Variants in DLGAP2 observed in about 807,000 individuals in gnomAD.
DLGAP2 encodes the protein DLG associated protein 2, also known as disks large-associated protein 2.
DLGAP2 carries 26 observed loss-of-function variants against 100.3 expected under a neutral mutation model. That is an observed-to-expected ratio of 0.26 (90% CI 0.19 to 0.36). DLGAP2 has a LOEUF of 0.36. Among genes scored for constraint, DLGAP2 ranks in the 10% least tolerant of loss-of-function variants. The pLI, the probability that DLGAP2 is intolerant of heterozygous loss-of-function variation, is 1.00. For missense variants in DLGAP2, 1,858 were observed against 1,453.2 expected (o/e 1.28, Z -4.53); for synonymous variants, 886 against 630.1 (o/e 1.41, Z -6.08).
Position 1,113,115 on chromosome 8 carries a change from T to C in DLGAP2, c.74-145736T>C, listed in dbSNP as rs146953182. ...TGTTTGTTACTGTAGCCCTGTAGTA[T>C]CATTCAAAGTTGGATAATATGATGC... is the stretch of plus-strand genomic sequence containing the variant. On this transcript the variant is annotated intron_variant, in intron 2 of 14. Transcript: ENST00000637795. Among the ~76,000 whole-genome samples the C allele has an allele frequency of 7.3e-3, 1,110 of 152,310 alleles. 12 individuals carry two copies. The highest frequency in any genetic ancestry group is 0.025 in the African/African-American group (1,038 of 41,566).
At chr8:1,290,411 C>T (rs1370321567) in intron 3 of DLGAP2, among the ~76,000 whole-genome samples, 2 of 152,230 alleles carry the variant, frequency 1.3e-5, no homozygotes, top group African/African-American at 4.8e-5. Context: ...CTGACCAGCA[C>T]ACCTGCACTC....
chr8:1,510,127 A>G (rs922637862), intron 4 of DLGAP2, among the ~76,000 whole-genome samples: 3 of 152,260 alleles, frequency 2.0e-5, no homozygotes, highest in African/African-American at 7.2e-5. Flanking sequence ...GTAAATTACA[A>G]GCACGCTCCC....
chr8:1,160,501 G>A (rs192350678), intron 2 of DLGAP2, among the ~76,000 whole-genome samples: 2 of 152,112 alleles, frequency 1.3e-5, no homozygotes, highest in Non-Finnish European at 2.9e-5. Flanking sequence ...TCATTTTTTC[G>A]ACTGCAGACT....
chr8:1,337,150 G>A (rs1801293519), intron 3 of DLGAP2, among the ~76,000 whole-genome samples: 1 of 151,566 alleles, frequency 6.6e-6, no homozygotes, highest in African/African-American at 2.4e-5. Context: ...TGGTGAGAAT[G>A]ATGGTGATGA....
chr8:1,603,921 C>A (rs1376248501), intron 6 of DLGAP2, among the ~76,000 whole-genome samples: 2 of 152,086 alleles, frequency 1.3e-5, no homozygotes, highest in African/African-American at 4.8e-5. Context: ...AAGTTGCCTC[C>A]GTATGAGGAG....
At chr8:1,507,027 T>C (rs554287945) in intron 4 of DLGAP2, among the ~76,000 whole-genome samples, 4 of 152,344 alleles carry the variant, frequency 2.6e-5, no homozygotes, top group Admixed American at 6.5e-5. Context: ...AGAGTTCTCA[T>C]TGGTGCATTT....
At chr8:966,019 G>T (rs2654018) in intron 2 of DLGAP2, among the ~76,000 whole-genome samples, 1 of 151,902 alleles carries the variant, frequency 6.6e-6, no homozygotes, top group Non-Finnish European at 1.5e-5. Context: ...CAGCTCTGCC[G>T]TGACCCCCGT....
intron 2 of DLGAP2, among the ~76,000 whole-genome samples, chr8:1,224,276 C>T (rs1798372088): frequency 6.6e-6 from 1 of 152,174 alleles, no homozygotes; most frequent in Admixed American, 6.5e-5. Context: ...GAGTAAGGCA[C>T]AGTTCTCTCA....
intron 3 of DLGAP2, among the ~76,000 whole-genome samples, chr8:1,316,414 C>G (rs867066296): frequency 2.4e-5 from 3 of 124,628 alleles, no homozygotes; most frequent in African/African-American, 6.3e-5. Context: ...AGAGCGTGTG[C>G]GAGTGCAGCG....
intron 2 of DLGAP2, among the ~76,000 whole-genome samples, chr8:961,111 T>A (rs1799715563): frequency 6.6e-6 from 1 of 152,256 alleles, no homozygotes; most frequent in Non-Finnish European, 1.5e-5. Context: ...ACATATTCCA[T>A]TAGGCTTGCC....
At position 1,100,302 on chromosome 8, in the gene DLGAP2, T is replaced by C. The variant is rs543482738; in HGVS notation, c.74-158549T>C. ...CAGCATGTCCACAGTGTACAGCGTG[T>C]GTAGGGAAAACCTTTGTCCAGCATG... On this transcript the variant is annotated intron_variant, in intron 2 of 14. Coordinates refer to ENST00000637795, the MANE Select transcript of DLGAP2 (RefSeq NM_001346810.2). Among the ~76,000 whole-genome samples, 3 of 152,140 alleles carry C rather than the reference T, an allele frequency of 2.0e-5. No individual in the cohort carries two copies. In the South Asian group the frequency reaches 6.3e-4, roughly 32 times the overall value.
At position 1,669,779 on chromosome 8, in the gene DLGAP2, T is replaced by G; in HGVS notation, c.2197T>G (p.Ser733Ala). The change falls in exon 10 of 15, where the codon TCA becomes GCA. Residue 733 changes from serine (S) to alanine (A), a missense_variant. Ser to Ala is a moderately conservative substitution (Grantham distance 99). Transcript: ENST00000637795. ...EFPEHQPYPR[S>A]DVETATDSDT... ...CCCAGAGCATCAGCCATACCCAAGG[T>G]CAGATGTAAGTACCGAAATGTGCTC... 1 of 780,900 alleles carries G rather than the reference T, an allele frequency of 1.3e-6. No individual in the cohort carries two copies. The highest frequency in any genetic ancestry group is 2.4e-6 in the Non-Finnish European group (1 of 417,986). The allele number at this position is 780,900 out of a possible 1,614,324, so 48.4% of individuals were successfully genotyped here.
At chr8:1,037,398 C>T (rs1802160804) in intron 2 of DLGAP2, among the ~76,000 whole-genome samples, 2 of 152,122 alleles carry the variant, frequency 1.3e-5, no homozygotes, top group Admixed American at 1.3e-4. Context: ...TCGGTGTTAT[C>T]ATTGACTCAG....
chr8:1,475,341 G>C (rs1350830949), intron 3 of DLGAP2, among the ~76,000 whole-genome samples: 3 of 152,122 alleles, frequency 2.0e-5, no homozygotes, highest in Non-Finnish European at 4.4e-5. Flanking sequence ...AAAGCCGGGG[G>C]AGCAGGTTTT....
At chr8:985,666 A>T (rs1187431089) in intron 2 of DLGAP2, among the ~76,000 whole-genome samples, 1 of 152,226 alleles carries the variant, frequency 6.6e-6, no homozygotes, top group African/African-American at 2.4e-5. Context: ...CTGAGAGCAG[A>T]ACATCTGGTA....
intron 2 of DLGAP2, among the ~76,000 whole-genome samples, chr8:1,128,948 T>A (rs997315532): frequency 6.6e-6 from 1 of 152,142 alleles, no homozygotes; most frequent in Non-Finnish European, 1.5e-5. Context: ...GGTGTGTGTG[T>A]CTCAGGACAC....
intron 3 of DLGAP2, among the ~76,000 whole-genome samples, chr8:1,445,933 G>A (rs933608295): frequency 1.3e-5 from 2 of 152,078 alleles, no homozygotes; most frequent in Admixed American, 1.3e-4. Flanking sequence ...TTTTTGATGG[G>A]GTCGTTTGCT....
chr8:1,440,464 C>G (rs974807641), intron 3 of DLGAP2, among the ~76,000 whole-genome samples: 3 of 152,202 alleles, frequency 2.0e-5, no homozygotes, highest in Non-Finnish European at 4.4e-5. Flanking sequence ...TGCCCGAATG[C>G]AGAGAAACAC....
intron 3 of DLGAP2, among the ~76,000 whole-genome samples, chr8:1,337,677 A>T (rs1801320629): frequency 6.6e-6 from 1 of 152,164 alleles, no homozygotes; most frequent in East Asian, 1.9e-4. Context: ...CAAAAGCATA[A>T]GCAACACAAG....
Sources: gnomAD v4.1 joint callset for allele counts (sites outside exome capture counted in the v4.1 genomes callset) on GRCh38, gnomAD v4.1.1 for gene constraint, MANE v1.5 for transcripts, NCBI Gene and HGNC (gene_info 2026-07-23, HGNC 2026-07-21) for gene names.